Variants in GHRHR observed in about 807,000 individuals in gnomAD.
The protein encoded by GHRHR is growth hormone releasing hormone receptor, also known as growth hormone-releasing hormone receptor.
A neutral mutation model predicts 58.3 loss-of-function variants in GHRHR; 40 were observed. That is an observed-to-expected ratio of 0.69 (90% confidence interval 0.53 to 0.89). GHRHR has a LOEUF of 0.89. GHRHR is among the 40% of genes least tolerant of loss of function. The probability of loss-of-function intolerance (pLI) is 0.00; values close to 1 mark genes in which losing one functional copy is unlikely to be tolerated. For synonymous variants in GHRHR, 249 were observed against 216.6 expected (o/e 1.15, Z -1.31); for missense variants, 551 against 541.3 (o/e 1.02, Z -0.18).
chr7:30,967,577 C>T (rs367958022), intron 1 of GHRHR, among the ~76,000 whole-genome samples: 30 of 118,778 alleles, frequency 2.5e-4, no homozygotes, highest in African/African-American at 1.2e-3. Context: ...CACCATGCAC[C>T]CATCCATGCA....
In GHRHR at chr7:30,976,546, G is replaced by A; in HGVS notation, c.1092G>A (p.Leu364=). 6.2e-7 allele frequency: 1 copy of A among 1,613,272 alleles called. No individual in the cohort carries two copies. Among genetic ancestry groups the A allele is most frequent in the Non-Finnish European group, 8.5e-7 (1 of 1,179,590 alleles). ...LGIRLPLELG[L]GSFQGFIVAI... is the part of the protein sequence containing the mutation. ...TCCGCCTCCCCCTGGAGCTGGGACT[G>A]GGTTCCTTCCAGGTGAGGGCCCCCA... Residue 364 remains leucine (L), a synonymous_variant, in exon 11 of 13, where the codon CTG becomes CTA. Transcript: ENST00000326139.
chr7:30,977,348 C>A, intron 12 of GHRHR, 26 bp downstream of exon 12: 1 of 1,607,784 alleles, frequency 6.2e-7, no homozygotes, highest in Non-Finnish European at 8.5e-7. Flanking sequence ...GGCTATCCCT[C>A]ATGGAGTCCC....
At chr7:30,965,424 G>T (rs77634141) in intron 1 of GHRHR, among the ~76,000 whole-genome samples, 3 of 38,604 alleles carry the variant, frequency 7.8e-5, no homozygotes, top group African/African-American at 1.4e-3. Context: ...GATGTGTGTG[G>T]GGGGGTGACT....
intron 6 of GHRHR, among the ~76,000 whole-genome samples, chr7:30,972,416 C>T (rs1049876842): frequency 2.6e-5 from 4 of 151,972 alleles, no homozygotes; most frequent in African/African-American, 9.7e-5. Context: ...TAGGTCTGTG[C>T]TGGGGGTGTG....
chr7:30,969,404 T>A (rs566889413), intron 3 of GHRHR: 1 of 607,530 alleles, frequency 1.6e-6, no homozygotes, highest in South Asian at 1.9e-5. Flanking sequence ...CTGTAAGTGC[T>A]GGACCTGGAT....
intron 3 of GHRHR, 101 bp downstream of exon 3, chr7:30,969,271 A>G: frequency 1.2e-6 from 1 of 813,726 alleles, no homozygotes; most frequent in African/African-American, 1.7e-5. Flanking sequence ...GGGTTTGTAT[A>G]CCAACTTCCC....
At chr7:30,971,845 GT>G in intron 5 of GHRHR, 117 bp from the exon 6 acceptor site, 3 of 925,292 alleles carry the variant, frequency 3.2e-6, no homozygotes, top group Non-Finnish European at 3.6e-6. Context: ...ATTCAATTCA[GT>G]TTGATTGCAT....
intron 12 of GHRHR, 64 bp downstream of exon 12, chr7:30,977,386 C>T (rs1335255914): frequency 7.2e-7 from 1 of 1,393,954 alleles, no homozygotes; most frequent in South Asian, 1.2e-5. Flanking sequence ...GGCCCCTCCT[C>T]CTCTCTCCCA....
intron 1 of GHRHR, among the ~76,000 whole-genome samples, chr7:30,967,384 A>C (rs1362437317): frequency 6.6e-6 from 1 of 152,184 alleles, no homozygotes; most frequent in South Asian, 2.1e-4. Flanking sequence ...GAAGATTCCC[A>C]AAAAAACCCC....
At position 30,969,948 on chromosome 7, in the gene GHRHR, A is replaced by G; in HGVS notation, c.350A>G (p.Glu117Gly). ...PYPVACPVPL[E>G]LLAEEESYFS... ...CCTGTGGCCTGCCCTGTGCCTCTGG[A>G]GCTGCTGGCTGAGGAGGTAAGAGTC... is the stretch of plus-strand genomic sequence containing the variant. Residue 117 changes from glutamate (E) to glycine (G), a missense_variant, in exon 4 of 13, where the codon GAG becomes GGG. Glu to Gly is a moderately conservative substitution (Grantham distance 98, BLOSUM62 -2). Coordinates refer to ENST00000326139, the MANE Select transcript of GHRHR (RefSeq NM_000823.4). The G allele has an allele frequency of 7.4e-7, 1 of 1,344,516 alleles. No homozygotes were observed. The highest frequency in any genetic ancestry group is 1.1e-6 in the Non-Finnish European group (1 of 933,290). The allele number at this position is 1,344,516 out of a possible 1,614,324, so 83.3% of individuals were successfully genotyped here.
At chr7:30,965,284 C>A (rs1159468431) in intron 1 of GHRHR, among the ~76,000 whole-genome samples, 1 of 152,266 alleles carries the variant, frequency 6.6e-6, no homozygotes, top group East Asian at 1.9e-4. Flanking sequence ...AGTACCAAAG[C>A]TAGAACTCAA....
chr7:30,979,087 C>T (rs750313298), intron 12 of GHRHR, 32 bp from the exon 13 acceptor site: 1 of 1,610,290 alleles, frequency 6.2e-7, no homozygotes, highest in Non-Finnish European at 8.5e-7. Flanking sequence ...CACAGGGGGA[C>T]CTTCCTAACG....
Position 30,974,496 on chromosome 7 carries a change from C to A in GHRHR, c.812+7C>A. On this transcript the variant is annotated splice_region_variant and intron_variant, in intron 8 of 12. Transcript: ENST00000326139. The stretch of plus-strand genomic sequence containing the variant: ...TGGCCTTCGAGGACATCGCGTGAGT[C>A]GGAGCGGCCACCTTGTCATACCCGC... 6.2e-7 allele frequency: 1 copy of A among 1,604,018 alleles called. No homozygotes were observed. Among genetic ancestry groups the A allele is most frequent in the South Asian group, 1.1e-5 (1 of 90,890 alleles).
chr7:30,970,860 C>G (rs1239016076), intron 4 of GHRHR: 1 of 546,910 alleles, frequency 1.8e-6, no homozygotes, highest in Admixed American at 3.0e-5. Context: ...CCTCTCCTCA[C>G]CCTCAGAGCA....
intron 1 of GHRHR, among the ~76,000 whole-genome samples, chr7:30,964,869 C>A (rs1300837147): frequency 1.3e-5 from 2 of 152,162 alleles, no homozygotes; most frequent in African/African-American, 2.4e-5. Flanking sequence ...ACAGCAGGGA[C>A]CAGGCTGGGA....
At chr7:30,976,020 T>C in intron 10 of GHRHR, 152 bp downstream of exon 10, 1 of 665,442 alleles carries the variant, frequency 1.5e-6, no homozygotes, top group Non-Finnish European at 2.8e-6. Context: ...CCCTTCCTTC[T>C]AGGGGATCAC....
At chr7:30,970,353 G>C (rs1392964558) in intron 4 of GHRHR, among the ~76,000 whole-genome samples, 1 of 152,170 alleles carries the variant, frequency 6.6e-6, no homozygotes, top group Non-Finnish European at 1.5e-5. Flanking sequence ...TGCGATGTGG[G>C]CAAGTGAGGG....
At chr7:30,967,718 C>CT (rs1209973727) in intron 1 of GHRHR, among the ~76,000 whole-genome samples, 1 of 152,006 alleles carries the variant, frequency 6.6e-6, no homozygotes, top group African/African-American at 2.4e-5. Context: ...TCCTTCCCTC[C>CT]TTCCTTTTTT....
In GHRHR at chr7:30,976,513, C is replaced by T; in HGVS notation, c.1059C>T (p.Gly353=). Residue 353 remains glycine, a synonymous_variant, in exon 11 of 13, where the codon GGC becomes GGT. Coordinates refer to ENST00000326139, the MANE Select transcript of GHRHR (RefSeq NM_000823.4). ...TCAACTTCCTGCCAGACAATGCTGG[C>T]CTGGGCATCCGCCTCCCCCTGGAGC... is the stretch of plus-strand genomic sequence containing the variant. ...IIFNFLPDNA[G]LGIRLPLELG... is the part of the protein sequence containing the mutation. 1 of 1,613,388 alleles carries T rather than the reference C, an allele frequency of 6.2e-7. No homozygotes were observed. The highest frequency in any genetic ancestry group is 1.1e-5 in the South Asian group (1 of 91,040).
Sources: allele counts gnomAD v4.1 joint callset (sites outside exome capture counted in the v4.1 genomes callset), GRCh38; gene constraint gnomAD v4.1.1; transcripts MANE v1.5; gene names NCBI Gene and HGNC (gene_info 2026-07-23, HGNC 2026-07-21).